The following GCN1 variants were observed in gnomAD, a reference collection of about 807,000 sequenced individuals.
The protein encoded by GCN1 is GCN1 activator of EIF2AK4.
GCN1 carries 90 observed loss-of-function variants against 288.4 expected under a neutral mutation model. The observed-to-expected ratio is 0.31, with a 90% CI of 0.26 to 0.37. The LOEUF (loss-of-function observed/expected upper bound fraction) is 0.37. Among genes scored for constraint, GCN1 ranks in the 10% least tolerant of loss-of-function variants. The pLI, the probability that GCN1 is intolerant of heterozygous loss-of-function variation, is 1.00. For missense variants in GCN1, 2,586 were observed against 3,419.9 expected, an observed-to-expected ratio of 0.76 and a Z score of 6.08; for synonymous variants, 1,386 against 1,420.2, an observed-to-expected ratio of 0.98 and a Z score of 0.54.
Position 120,158,123 on chromosome 12 carries a change from G to C in GCN1, c.2906-93C>G. On this transcript the variant is annotated intron_variant, in intron 25 of 57. Coordinates refer to ENST00000300648, the MANE Select transcript of GCN1 (RefSeq NM_006836.2). The surrounding 1 kb of genome is among the most constrained non-coding windows in gnomAD (Gnocchi z 4.3). ...CTATCCTCAGGGAAAGTAGGGAACG[G>C]ATGGACCAGAGGCCCGTTCTGACAC... 3.1e-6 allele frequency: 4 copies of C among 1,292,362 alleles called. No homozygotes were observed. Among genetic ancestry groups the C allele is most frequent in the Non-Finnish European group, 4.4e-6 (4 of 918,966 alleles). 80.1% of individuals were successfully genotyped at this position (1,292,362 alleles called of 1,614,324 possible).
chr12:120,158,589 G>A lies in GCN1; in HGVS notation c.2776C>T (p.Arg926Cys). 4.4e-6 allele frequency: 7 copies of A among 1,608,108 alleles called. No individual in the cohort carries two copies. Among genetic ancestry groups the A allele is most frequent in the Non-Finnish European group, 5.9e-6 (7 of 1,177,226 alleles). Residue 926 changes from arginine to cysteine, a missense_variant, in exon 25 of 58, where the codon CGC becomes TGC. Physicochemically the swap from Arg to Cys is radical, Grantham distance 180. Coordinates refer to ENST00000300648, the MANE Select transcript of GCN1 (RefSeq NM_006836.2). The surrounding 1 kb of genome is among the most constrained non-coding windows in gnomAD (Gnocchi z 4.3). The stretch of plus-strand genomic sequence containing the variant: ...AGGACACACTCTGGCTTCAGCAGGC[G>A]CAGGGTCACGTGGCTCACCAAAGTG... ...LGTLVSHVTL[R>C]LLKPECVLDK...
At chr12:120,179,157 T>C (rs1482381472) in intron 5 of GCN1, among the ~76,000 whole-genome samples, 1 of 152,170 alleles carries the variant, frequency 6.6e-6, no homozygotes, top group East Asian at 1.9e-4. Context: ...CCACTAGTGT[T>C]CGTTTAATAA....
At position 120,155,222 on chromosome 12, in the gene GCN1, G is replaced by A; in HGVS notation, c.3630+19C>T. 1 of 1,611,978 alleles carries A rather than the reference G, an allele frequency of 6.2e-7. No homozygotes were observed. The highest frequency in any genetic ancestry group is 8.5e-7 in the Non-Finnish European group (1 of 1,178,072). On this transcript the variant is annotated intron_variant, in intron 30 of 57. Transcript: ENST00000300648. The surrounding 1 kb of genome is among the most constrained non-coding windows in gnomAD (Gnocchi z 4.9). The stretch of plus-strand genomic sequence containing the variant: ...ACCGCACACACCCAGACTGCATCAG[G>A]GCTGCACAGGTCACTCACGTAGAGC...
chr12:120,132,208 G>A (rs577715185), intron 53 of GCN1, among the ~76,000 whole-genome samples, 186 bp from the exon 54 acceptor site: 35 of 152,306 alleles, frequency 2.3e-4, no homozygotes, highest in African/African-American at 7.5e-4. Context: ...GCTGCCACTG[G>A]TATGGAGTTA....
Position 120,173,796 on chromosome 12 carries a change from G to A in GCN1, c.1223C>T (p.Ser408Leu), listed in dbSNP as rs779570053. 1.2e-6 allele frequency: 2 copies of A among 1,613,968 alleles called. No homozygotes were observed. The highest frequency in any genetic ancestry group is 1.7e-6 in the Non-Finnish European group (2 of 1,179,820). The change falls in exon 14 of 58, where the codon TCA becomes TTA. Residue 408 changes from serine to leucine, a missense_variant. Ser to Leu is a moderately radical substitution (Grantham distance 145). Around this residue, in one of 8 missense-constraint regions of GCN1, gnomAD observed 913 missense variants for 1,107.0 expected, o/e 0.82. Transcript: ENST00000300648. ...VHEGTLVHAV[S>L]VLALWCNRFT... is the part of the protein sequence containing the mutation. ...TCGGTTACACCAGAGAGCCAGGACT[G>A]AGACAGCGTGTACCAAGGTCCCTTC... is the stretch of plus-strand genomic sequence containing the variant.
chr12:120,187,198 T>C (rs1272224922), intron 2 of GCN1, among the ~76,000 whole-genome samples: 1 of 151,618 alleles, frequency 6.6e-6, no homozygotes, highest in Non-Finnish European at 1.5e-5. Context: ...ACCCAATCTA[T>C]ATGGCCATGA....
chr12:120,179,070 C>T, intron 5 of GCN1, 120 bp from the exon 6 acceptor site: 1 of 755,750 alleles, frequency 1.3e-6, no homozygotes, highest in Non-Finnish European at 2.2e-6. Flanking sequence ...CTCCACTCAG[C>T]CTCTCCCACT....
Position 120,129,270 on chromosome 12 carries a change from T to G in GCN1, c.7890+6A>C. The G allele has an allele frequency of 6.2e-7, 1 of 1,606,684 alleles. No homozygotes were observed. Among genetic ancestry groups the G allele is most frequent in the South Asian group, 1.1e-5 (1 of 90,920 alleles). ...CACATCCTGGTGAGGCCCCCCAGGC[T>G]CCCACCTGAAACACCTCTTCACCCT... On this transcript the variant is annotated splice_donor_region_variant and intron_variant, in intron 57 of 57. Coordinates refer to ENST00000300648, the MANE Select transcript of GCN1 (RefSeq NM_006836.2).
rs780895320 is a variant in GCN1, at chr12:120,160,108, C to A, written c.2550+34G>T. 4 of 1,594,658 alleles carry A rather than the reference C, an allele frequency of 2.5e-6. No homozygotes were observed. In the East Asian group the frequency reaches 8.9e-5, roughly 36 times the overall value. On this transcript the variant is annotated intron_variant, in intron 23 of 57. Coordinates refer to ENST00000300648, the MANE Select transcript of GCN1 (RefSeq NM_006836.2). ...CAGGACCAAGCTGCCCAGCACTCTT[C>A]CGGCTTGAGCATGTGGCGGAGGTGG...
chr12:120,158,025 C>CA lies in GCN1; in HGVS notation c.2910dup (p.Ala971CysfsTer27). The CA allele has an allele frequency of 6.2e-7, 1 of 1,613,752 alleles. No individual in the cohort carries two copies. The highest frequency in any genetic ancestry group is 8.5e-7 in the Non-Finnish European group (1 of 1,179,944). ...GAGAAGGCTGGCGCGGACAAGGGCGCAGCACCTGTGAGAGCGAGAAGCAGA... is the reference window on the plus strand; with the variant it reads ...GAGAAGGCTGGCGCGGACAAGGGCGCAAGCACCTGTGAGAGCGAGAAGCAGA... On this transcript the variant is annotated frameshift_variant, in exon 26 of 58. Transcript: ENST00000300648. LOFTEE classifies it high-confidence loss of function. This position sits in a 1 kb window ranked among gnomAD's most constrained non-coding sequence, Gnocchi z 4.3.
At chr12:120,175,022 G>A (rs1450053642) in intron 12 of GCN1, 140 bp downstream of exon 12, 4 of 665,256 alleles carry the variant, frequency 6.0e-6, no homozygotes, top group Non-Finnish European at 1.0e-5. Flanking sequence ...AGCTACTAAG[G>A]AGGCTGAGGC....
chr12:120,176,188 G>T lies in GCN1; in HGVS notation c.868C>A (p.Leu290Ile). The T allele has an allele frequency of 1.9e-6, 3 of 1,612,100 alleles. No homozygotes were observed. The highest frequency in any genetic ancestry group is 2.5e-6 in the Non-Finnish European group (3 of 1,178,110). ...TISSLLASVT[L>I]DLSQYAMDIV... ...TCCATGGCATACTGGCTGAGGTCAAGCGTCACTGATGCCAGCAGACTAGAA... is the reference window on the plus strand; with the variant it reads ...TCCATGGCATACTGGCTGAGGTCAATCGTCACTGATGCCAGCAGACTAGAA... The change falls in exon 10 of 58, where the codon CTT (leucine) becomes ATT (isoleucine). Residue 290 changes from leucine to isoleucine, a missense_variant. By Grantham distance (5) the Leu-to-Ile change is conservative. Transcript: ENST00000300648.
At chr12:120,190,951 T>C (rs1469462051) in intron 1 of GCN1, among the ~76,000 whole-genome samples, 2 of 152,202 alleles carry the variant, frequency 1.3e-5, no homozygotes, top group African/African-American at 4.8e-5. Flanking sequence ...GGATCCCAGC[T>C]CTGCCTTTTA....
chr12:120,163,077 T>A lies in GCN1; in HGVS notation c.2031A>T (p.Pro677=). The change falls in exon 19 of 58, where the codon CCA becomes CCT. Residue 677 remains proline, a synonymous_variant. Coordinates refer to ENST00000300648, the MANE Select transcript of GCN1 (RefSeq NM_006836.2). ...CCCACCGCAGCCACGGACCTAAGGA[T>A]GGGTGGTGGGAGATGATCAGCATTT... ...AQEMLIISHH[P]SLVAVQSGLW... 6.2e-7 allele frequency: 1 copy of A among 1,614,048 alleles called. No homozygotes were observed. Among genetic ancestry groups the A allele is most frequent in the East Asian group, 2.2e-5 (1 of 44,882 alleles).
rs1389730533 is a variant in GCN1, at chr12:120,156,909, C to T, written c.3168+3G>A. 6.3e-7 allele frequency: 1 copy of T among 1,599,320 alleles called. No homozygotes were observed. Among genetic ancestry groups the T allele is most frequent in the African/African-American group, 1.3e-5 (1 of 74,728 alleles). On this transcript the variant is annotated splice_donor_region_variant and intron_variant, in intron 27 of 57. Coordinates refer to ENST00000300648, the MANE Select transcript of GCN1 (RefSeq NM_006836.2). This position sits in a 1 kb window ranked among gnomAD's most constrained non-coding sequence, Gnocchi z 5.8. ...AGCAACAGCCAACTGAAAACCACAT[C>T]ACCTGTAAGCGAGGCGAGCCCGTCC...
chr12:120,129,299 G>T lies in GCN1; in HGVS notation c.7867C>A (p.Arg2623=), dbSNP rs755055411. The T allele has an allele frequency of 6.2e-7, 1 of 1,613,814 alleles. No individual in the cohort carries two copies. ...ACCTGAAACACCTCTTCACCCTGCC[G>T]CATCTTGAGGAGGTTGACAATTGCC... ...DQAIVNLLKM[R]QGEEVFQSLS... Residue 2623 remains arginine, a synonymous_variant, in exon 57 of 58, where the codon CGG becomes AGG. Coordinates refer to ENST00000300648, the MANE Select transcript of GCN1 (RefSeq NM_006836.2).
rs1183159999 is a variant in GCN1, at chr12:120,155,333, C to T, written c.3538G>A (p.Ala1180Thr). ...GCCACTGCTTGGGAGAGGGCTTCGG[C>T]CCCTGCCTGCCTTACAGCCGCCTCA... ...YHEAAVRQAG[A>T]EALSQAVARY... is the part of the protein sequence containing the mutation. Residue 1180 changes from alanine (A) to threonine (T), a missense_variant, in exon 30 of 58, where the codon GCC (alanine) becomes ACC (threonine). This residue lies in a region of GCN1 where 332 missense variants were observed against 403.0 expected (regional missense o/e 0.82). Transcript: ENST00000300648. The surrounding 1 kb of genome is among the most constrained non-coding windows in gnomAD (Gnocchi z 4.9). 6.2e-6 allele frequency: 10 copies of T among 1,614,198 alleles called. No homozygotes were observed. In the South Asian group the frequency reaches 6.6e-5, roughly 11 times the overall value.
rs1022648838 is a variant in GCN1, at chr12:120,134,798, G to A, written c.7009-72C>T. 7.6e-7 allele frequency: 1 copy of A among 1,314,046 alleles called. No individual in the cohort carries two copies. Among genetic ancestry groups the A allele is most frequent in the Non-Finnish European group, 1.1e-6 (1 of 917,102 alleles). 81.4% of individuals were successfully genotyped at this position (1,314,046 alleles called of 1,614,324 possible). The stretch of plus-strand genomic sequence containing the variant: ...AAGCCACAGTGTACCACAGGCATGA[G>A]AACAAATGACAATCCCAAACCACCA... On this transcript the variant is annotated intron_variant, in intron 51 of 57. Coordinates refer to ENST00000300648, the MANE Select transcript of GCN1 (RefSeq NM_006836.2). The surrounding 1 kb of genome is among the most constrained non-coding windows in gnomAD (Gnocchi z 5.0).
At chr12:120,183,533 C>G (rs1450448948) in intron 5 of GCN1, 36 bp downstream of exon 5, 2 of 1,281,686 alleles carry the variant, frequency 1.6e-6, no homozygotes, top group East Asian at 2.3e-5. Context: ...TGGCAGAAAG[C>G]TGACCCTTGC....
Sources: allele counts gnomAD v4.1 joint callset (sites outside exome capture counted in the v4.1 genomes callset), GRCh38; gene constraint gnomAD v4.1.1; regional missense constraint gnomAD v4.1.1; non-coding constraint Gnocchi (gnomAD v3.1); transcripts MANE v1.5; gene names NCBI Gene and HGNC (gene_info 2026-07-23, HGNC 2026-07-21).